Variants in ZBTB20 observed in about 807,000 individuals in gnomAD.
ZBTB20 encodes zinc finger and BTB domain containing 20.
ZBTB20 carries 9 observed loss-of-function variants against 56.9 expected under a neutral mutation model. The observed-to-expected ratio is 0.16, with a 90% CI of 0.10 to 0.28. ZBTB20 has a LOEUF of 0.28. Ranked by LOEUF, ZBTB20 falls within the 10% of genes least tolerant of loss-of-function variation. The pLI is 1.00. For missense variants in ZBTB20, 655 were observed against 1,003.0 expected (o/e 0.65, Z 4.69); for synonymous variants, 417 against 420.7 (o/e 0.99, Z 0.11).
chr3:114,835,341 A>C (rs113003005), intron 4 of ZBTB20, among the ~76,000 whole-genome samples: 1 of 152,044 alleles, frequency 6.6e-6, no homozygotes, highest in Non-Finnish European at 1.5e-5. Flanking sequence ...TTTTTGTCAT[A>C]AAGTATTCTA....
chr3:115,074,580 C>T (rs1320957864), intron 1 of ZBTB20, among the ~76,000 whole-genome samples: 1 of 152,148 alleles, frequency 6.6e-6, no homozygotes, highest in African/African-American at 2.4e-5. Flanking sequence ...AAATAGCATA[C>T]ACCTCCTGCC....
rs189656343 is a variant in ZBTB20 at position 114,599,043 on chromosome 3, C to A, written c.-295+94485G>T. On this transcript the variant is annotated intron_variant, in intron 6 of 11. Transcript: ENST00000675478. ...CTTCTTAGACACCTTCACCACCACA[C>A]CGTTTTTAGTTGCCAGGACATTGTT... 3.3e-3 allele frequency among the ~76,000 whole-genome samples: 500 copies of A among 152,194 alleles called. 13 individuals carry two copies. The South Asian group carries it at 0.068, about 21-fold the overall frequency.
At chr3:114,568,263 T>C (rs1236440686) in intron 6 of ZBTB20, among the ~76,000 whole-genome samples, 1 of 152,182 alleles carries the variant, frequency 6.6e-6, no homozygotes, top group African/African-American at 2.4e-5. Flanking sequence ...GAAAATCCAC[T>C]GTCCCTCTCC....
At chr3:114,440,447 G>A (rs577521399) in intron 7 of ZBTB20, among the ~76,000 whole-genome samples, 1 of 152,156 alleles carries the variant, frequency 6.6e-6, no homozygotes, top group African/African-American at 2.4e-5. Flanking sequence ...AATGGGTAAT[G>A]TAATTTTCCT....
chr3:114,322,840 C>A lies in ZBTB20; in HGVS notation c.*16165G>T, dbSNP rs944157900. Reference sequence around the variant, plus strand: ...TTAAACTTGGAATAGTAGACTTGGACGGATAGTAAAGAAGAGAGAGAAAAA... The same window carrying A: ...TTAAACTTGGAATAGTAGACTTGGAAGGATAGTAAAGAAGAGAGAGAAAAA... On this transcript the variant is annotated 3_prime_UTR_variant, in exon 12 of 12. Transcript: ENST00000675478. 1 of 151,980 alleles carries A rather than the reference C, an allele frequency of 6.6e-6. No individual in the cohort carries two copies. The highest frequency in any genetic ancestry group is 2.4e-5 in the African/African-American group (1 of 41,360). 9.4% of individuals were successfully genotyped at this position (151,980 alleles called of 1,614,324 possible). A position where few individuals can be genotyped will look rare whatever the true frequency, so the allele number is the denominator to read the frequency against.
intron 2 of ZBTB20, among the ~76,000 whole-genome samples, chr3:115,049,036 A>G (rs1406155250): frequency 6.6e-6 from 1 of 151,996 alleles, no homozygotes; most frequent in Non-Finnish European, 1.5e-5. Context: ...TTAATGCTAA[A>G]CTTTTTAATA....
intron 4 of ZBTB20, among the ~76,000 whole-genome samples, chr3:114,884,423 C>T (rs914136784): frequency 6.6e-6 from 1 of 152,146 alleles, no homozygotes; most frequent in Non-Finnish European, 1.5e-5. Flanking sequence ...CTTCCTTGTG[C>T]ATTTTTTCAC....
chr3:114,548,362 T>C (rs1463209321), intron 6 of ZBTB20, among the ~76,000 whole-genome samples: 1 of 152,156 alleles, frequency 6.6e-6, no homozygotes, highest in Non-Finnish European at 1.5e-5. Context: ...ACCTTTTACA[T>C]TATCTCATTT....
chr3:114,584,696 C>A (rs1027054299), intron 6 of ZBTB20, among the ~76,000 whole-genome samples: 1 of 152,138 alleles, frequency 6.6e-6, no homozygotes, highest in African/African-American at 2.4e-5. Context: ...GAAAGTTAAG[C>A]CTCATCACCA....
intron 5 of ZBTB20, among the ~76,000 whole-genome samples, chr3:114,740,017 G>A (rs910612884): frequency 9.9e-5 from 15 of 152,190 alleles, no homozygotes; most frequent in Admixed American, 3.9e-4. Flanking sequence ...AGGTGATTAC[G>A]TTTAAAATGG....
intron 1 of ZBTB20, among the ~76,000 whole-genome samples, chr3:115,105,921 G>A (rs534394617): frequency 3.6e-4 from 55 of 151,810 alleles, no homozygotes; most frequent in African/African-American, 1.3e-3. Context: ...CAGTTCAAGC[G>A]ATTCTCCTGC....
chr3:114,741,196 C>T (rs938454082), intron 5 of ZBTB20, among the ~76,000 whole-genome samples: 1 of 152,174 alleles, frequency 6.6e-6, no homozygotes, highest in African/African-American at 2.4e-5. Context: ...ATGCCAGGCA[C>T]AGTGTAAGAT....
chr3:114,449,092 T>C (rs2091445865), intron 7 of ZBTB20, among the ~76,000 whole-genome samples: 3 of 152,144 alleles, frequency 2.0e-5, no homozygotes, highest in African/African-American at 7.2e-5. Flanking sequence ...CTTTCTTTCT[T>C]TTTAATACAT....
intron 2 of ZBTB20, among the ~76,000 whole-genome samples, chr3:115,028,659 C>A (rs199592534): frequency 6.7e-6 from 1 of 149,934 alleles, no homozygotes; most frequent in Non-Finnish European, 1.5e-5. Flanking sequence ...TTGTGATGAC[C>A]AAGAAAGTTG....
chr3:114,427,541 A>G (rs2089781337), intron 7 of ZBTB20, among the ~76,000 whole-genome samples: 1 of 152,266 alleles, frequency 6.6e-6, no homozygotes, highest in Admixed American at 6.5e-5. Context: ...AAGCCAAAGC[A>G]GGACTGCAAT....
chr3:114,474,825 C>A (rs1006660603), intron 7 of ZBTB20, among the ~76,000 whole-genome samples: 1 of 152,172 alleles, frequency 6.6e-6, no homozygotes, highest in Non-Finnish European at 1.5e-5. Flanking sequence ...ATTCCCTCTG[C>A]CCCTGCCCTA....
intron 6 of ZBTB20, among the ~76,000 whole-genome samples, chr3:114,625,911 T>TA (rs1197473981): frequency 6.6e-6 from 1 of 151,722 alleles, no homozygotes; most frequent in Non-Finnish European, 1.5e-5. Context: ...AGTCAACTGA[T>TA]AAAAAAAAGT....
At chr3:114,802,095 T>G (rs2108844083) in intron 4 of ZBTB20, among the ~76,000 whole-genome samples, 1 of 152,018 alleles carries the variant, frequency 6.6e-6, no homozygotes, top group South Asian at 2.1e-4. Context: ...CTTTTAGCTT[T>G]GAAAAACTGA....
At chr3:114,411,594 G>T (rs991210904) in intron 7 of ZBTB20, among the ~76,000 whole-genome samples, 3 of 152,020 alleles carry the variant, frequency 2.0e-5, no homozygotes, top group Admixed American at 6.6e-5. Flanking sequence ...AAAACACAAC[G>T]CTCTGCATGC....
Sources: gnomAD v4.1 joint callset for allele counts (sites outside exome capture counted in the v4.1 genomes callset) on GRCh38, gnomAD v4.1.1 for gene constraint, MANE v1.5 for transcripts, NCBI Gene and HGNC (gene_info 2026-07-23, HGNC 2026-07-21) for gene names.